RBFOX1: variants seen among roughly 807,000 people sequenced by gnomAD.
RBFOX1 encodes the protein RNA binding fox-1 homolog 1, also known as RNA binding protein fox-1 homolog 1.
A neutral mutation model predicts 57.7 loss-of-function variants in RBFOX1; 8 were observed. The ratio of observed to expected loss-of-function variants is 0.14; its 90% CI spans 0.08 to 0.25. The LOEUF (loss-of-function observed/expected upper bound fraction) is 0.25. Ranked by LOEUF, RBFOX1 falls within the 10% of genes least tolerant of loss-of-function variation. RBFOX1 has a pLI of 1.00. For missense variants in RBFOX1, 611 were observed against 548.5 expected (o/e 1.11, Z -1.14); for synonymous variants, 326 against 222.4 (o/e 1.47, Z -4.15).
At chr16:6,361,728 T>A (rs1425651688) in intron 2 of RBFOX1, among the ~76,000 whole-genome samples, 1 of 152,048 alleles carries the variant, frequency 6.6e-6, no homozygotes, top group Non-Finnish European at 1.5e-5. Context: ...TTATACCAAT[T>A]GAATCAGAAT....
intron 2 of RBFOX1, among the ~76,000 whole-genome samples, chr16:5,485,345 C>CAAAAAAACAAA (rs2069692548): frequency 1.9e-5 from 1 of 51,692 alleles, no homozygotes; most frequent in East Asian, 7.3e-4. Flanking sequence ...GACTCCGTGT[C>CAAAAAAACAAA]AAAAAAAAAA....
chr16:5,753,454 T>C (rs2053285055), intron 3 of RBFOX1, among the ~76,000 whole-genome samples: 2 of 152,174 alleles, frequency 1.3e-5, no homozygotes, highest in African/African-American at 4.8e-5. Context: ...GAGTTACAAC[T>C]CCGTTTCCAT....
rs548221714 is a variant in RBFOX1, at chr16:6,929,642, G to A, written c.-15-122415G>A. Among the ~76,000 whole-genome samples, 22 of 152,194 alleles carry A rather than the reference G, an allele frequency of 1.4e-4. 1 individual carries two copies. In the East Asian group the frequency reaches 4.3e-3, roughly 29 times the overall value. On this transcript the variant is annotated intron_variant, in intron 3 of 15. Coordinates refer to ENST00000550418, the MANE Select transcript of RBFOX1 (RefSeq NM_018723.4). The stretch of plus-strand genomic sequence containing the variant: ...CCAAATTCAATTTTTCTCACCTTTA[G>A]GGATTCTCAGAGTTATATCCAGCTT...
chr16:6,943,483 C>T (rs191926104), intron 3 of RBFOX1, among the ~76,000 whole-genome samples: 179 of 152,108 alleles, frequency 1.2e-3, no homozygotes, highest in Middle Eastern at 3.4e-3. Context: ...CTGAGGCAGG[C>T]GGATCACAAG....
At chr16:5,778,588 C>T (rs1231455334) in intron 3 of RBFOX1, among the ~76,000 whole-genome samples, 1 of 152,312 alleles carries the variant, frequency 6.6e-6, no homozygotes, top group East Asian at 1.9e-4. Flanking sequence ...CCTTGCATGG[C>T]GTGCTGTGTC....
chr16:6,782,173 A>T (rs1237244187), intron 3 of RBFOX1, among the ~76,000 whole-genome samples: 1 of 152,080 alleles, frequency 6.6e-6, no homozygotes, highest in Non-Finnish European at 1.5e-5. Context: ...CACCCAGCTA[A>T]TTGTTGTATT....
In RBFOX1 at chr16:7,170,644, C is replaced by A. The variant is rs545056344; in HGVS notation, c.27+118546C>A. ...TCTTAGAGGTACCCACTTTGGGTATCTTTTAGCCCTAAGCTGTATAATTCA... is the reference window on the plus strand; with the variant it reads ...TCTTAGAGGTACCCACTTTGGGTATATTTTAGCCCTAAGCTGTATAATTCA... On this transcript the variant is annotated intron_variant, in intron 4 of 15. Transcript: ENST00000550418. Among the ~76,000 whole-genome samples, 11 of 152,304 alleles carry A rather than the reference C, an allele frequency of 7.2e-5. 1 individual carries two copies. In the South Asian group the frequency reaches 2.1e-3, roughly 29 times the overall value.
Position 6,679,051 on chromosome 16 carries a change from A to G in RBFOX1, c.-16+24401A>G, listed in dbSNP as rs559390627. 7.2e-5 allele frequency among the ~76,000 whole-genome samples: 11 copies of G among 152,104 alleles called. No homozygotes were observed. In the East Asian group the frequency reaches 2.1e-3, roughly 30 times the overall value. On this transcript the variant is annotated intron_variant, in intron 3 of 15. Transcript: ENST00000550418. ...TGCGTGTTGCTATTATATCTCTAAC[A>G]CCTCTCTAACCCTTGCTAATCTTTT...
At position 5,290,966 on chromosome 16, in the gene RBFOX1, C is replaced by T. The variant is rs1337418224; in HGVS notation, c.219+50861C>T. On this transcript the variant is annotated intron_variant, in intron 1 of 2. Transcript: ENST00000585867. ...GCACCCGCCTCAGCTTCGCAAAGTA[C>T]TGGGATTACAGGCGTGAGCCACTGC... 2.6e-5 allele frequency among the ~76,000 whole-genome samples: 4 copies of T among 152,284 alleles called. No individual in the cohort carries two copies. In the East Asian group the frequency reaches 7.7e-4, roughly 29 times the overall value.
chr16:7,209,158 A>G (rs892757385), intron 4 of RBFOX1, among the ~76,000 whole-genome samples: 3 of 140,800 alleles, frequency 2.1e-5, no homozygotes, highest in African/African-American at 2.9e-5. Context: ...TAATAATAAT[A>G]ATAATAATAA....
chr16:5,742,133 T>C (rs148282012), intron 3 of RBFOX1, among the ~76,000 whole-genome samples: 11 of 152,334 alleles, frequency 7.2e-5, no homozygotes, highest in African/African-American at 2.4e-4. Flanking sequence ...ATATGGAACT[T>C]ACATTTTTCC....
At chr16:6,717,615 T>C (rs1353014788) in intron 3 of RBFOX1, among the ~76,000 whole-genome samples, 2 of 151,862 alleles carry the variant, frequency 1.3e-5, no homozygotes, top group Non-Finnish European at 2.9e-5. Context: ...AATACGGTGA[T>C]TTTTTACATG....
intron 5 of RBFOX1, among the ~76,000 whole-genome samples, chr16:7,558,971 A>G (rs1314839871): frequency 6.6e-6 from 1 of 152,244 alleles, no homozygotes; most frequent in African/African-American, 2.4e-5. Flanking sequence ...CCCTACTTTT[A>G]AAATGGCATA....
At chr16:5,278,245 C>T (rs147485052) in intron 1 of RBFOX1, among the ~76,000 whole-genome samples, 149 of 152,168 alleles carry the variant, frequency 9.8e-4, no homozygotes, top group African/African-American at 3.5e-3. Flanking sequence ...TTTGCATTTC[C>T]GTGATGATTA....
rs577914988 is a variant in RBFOX1, at chr16:5,899,114, CA to C, written c.351+31780del. 1.6e-3 allele frequency among the ~76,000 whole-genome samples: 224 copies of C among 140,310 alleles called. 1 individual carries two copies. The highest frequency in any genetic ancestry group is 5.7e-3 in the African/African-American group (212 of 37,020). 92.0% of individuals were successfully genotyped at this position (140,310 alleles called of 152,430 possible). A position where few individuals can be genotyped will look rare whatever the true frequency, so the allele number is the denominator to read the frequency against. On this transcript the variant is annotated intron_variant, in intron 4 of 19. Coordinates refer to the RBFOX1 transcript ENST00000641259. ...TCTCAGTAGTTGCACCACTGCACTC[CA>C]GCCCAGGAAACAGAGCGAGACCCTG...
At chr16:6,214,914 G>C (rs2097324817) in intron 1 of RBFOX1, among the ~76,000 whole-genome samples, 1 of 131,666 alleles carries the variant, frequency 7.6e-6, no homozygotes, top group Non-Finnish European at 1.6e-5. Flanking sequence ...GAGAAGGAGA[G>C]GGGGAGAGGG....
chr16:5,885,873 C>G (rs933187085), intron 4 of RBFOX1, among the ~76,000 whole-genome samples: 2 of 152,120 alleles, frequency 1.3e-5, no homozygotes, highest in African/African-American at 2.4e-5. Flanking sequence ...CAGGTTGGCT[C>G]TGTGACCCCA....
intron 14 of RBFOX1, among the ~76,000 whole-genome samples, chr16:7,685,677 A>C (rs1331762606): frequency 6.6e-6 from 1 of 152,148 alleles, no homozygotes; most frequent in Non-Finnish European, 1.5e-5. Context: ...GAATATATAG[A>C]GGCAGTAGCA....
chr16:6,678,601 C>A (rs531424173), intron 3 of RBFOX1, among the ~76,000 whole-genome samples: 2 of 150,246 alleles, frequency 1.3e-5, no homozygotes, highest in Non-Finnish European at 3.0e-5. Flanking sequence ...ATTTTGACAG[C>A]GGATTGCATA....
Sources: gnomAD v4.1 joint callset for allele counts (sites outside exome capture counted in the v4.1 genomes callset) on GRCh38, gnomAD v4.1.1 for gene constraint, MANE v1.5 for transcripts, NCBI Gene and HGNC (gene_info 2026-07-23, HGNC 2026-07-21) for gene names.